The following PDE1C variants were observed in gnomAD, a reference collection of about 807,000 sequenced individuals.
PDE1C encodes the protein dual specificity calcium/calmodulin-dependent 3',5'-cyclic nucleotide phosphodiesterase 1C.
Under a neutral mutation model 93.1 loss-of-function variants are expected in PDE1C, and 62 were observed. That is an observed-to-expected ratio of 0.67 (90% CI 0.54 to 0.82). The LOEUF is 0.82. Among genes scored for constraint, PDE1C ranks in the 40% least tolerant of loss-of-function variants. PDE1C has a pLI of 0.00. For synonymous variants in PDE1C, 325 were observed against 310.1 expected, an observed-to-expected ratio of 1.05 and a Z score of -0.50; for missense variants, 742 against 884.6, an observed-to-expected ratio of 0.84 and a Z score of 2.04.
chr7:32,236,823 C>G (rs1289872079), intron 1 of PDE1C, among the ~76,000 whole-genome samples: 1 of 152,122 alleles, frequency 6.6e-6, no homozygotes, highest in East Asian at 1.9e-4. Flanking sequence ...TATAATCACA[C>G]AAAAAGCTGT....
chr7:31,865,321 C>T (rs1046055094), intron 6 of PDE1C, among the ~76,000 whole-genome samples: 1 of 152,110 alleles, frequency 6.6e-6, no homozygotes, highest in African/African-American at 2.4e-5. Context: ...ATTTTAGAAT[C>T]CCTGAGAAAT....
the PDE1C span, among the ~76,000 whole-genome samples, chr7:31,631,482 A>G: frequency 6.6e-6 from 1 of 152,172 alleles, no homozygotes; most frequent in African/African-American, 2.4e-5. Flanking sequence ...AATGATCTTT[A>G]TTTTTTATTT....
intron 2 of PDE1C, among the ~76,000 whole-genome samples, chr7:31,957,433 A>G (rs547426230): frequency 1.3e-5 from 2 of 152,204 alleles, no homozygotes; most frequent in East Asian, 1.9e-4. Context: ...TGGATTATCT[A>G]TCACCTGTAG....
intron 2 of PDE1C, among the ~76,000 whole-genome samples, chr7:31,885,019 T>C: frequency 6.6e-6 from 1 of 152,172 alleles, no homozygotes; most frequent in East Asian, 1.9e-4. Context: ...TAGATGCTTT[T>C]CATGTGAATC....
At chr7:31,652,088 C>T in the PDE1C span, 164 of 1,372,804 alleles carry the variant, frequency 1.2e-4, no homozygotes, top group East Asian at 4.0e-3. Flanking sequence ...CTATATCCAG[C>T]CTACCACAGG....
At chr7:32,058,845 C>T (rs1227416092) in intron 1 of PDE1C, among the ~76,000 whole-genome samples, 2 of 152,074 alleles carry the variant, frequency 1.3e-5, no homozygotes, top group Non-Finnish European at 2.9e-5. Context: ...TCCTGTCTTA[C>T]TAGCTCGAAT....
intron 2 of PDE1C, among the ~76,000 whole-genome samples, chr7:31,899,524 A>T (rs10261660): frequency 0.099 from 15,120 of 152,158 alleles, 962 homozygotes; most frequent in Admixed American, 0.21. Flanking sequence ...AAGCCCCGGG[A>T]GATCCCAAAT....
At chr7:31,677,374 CACTT>C in the PDE1C span, among the ~76,000 whole-genome samples, 3 of 152,180 alleles carry the variant, frequency 2.0e-5, no homozygotes, top group South Asian at 2.1e-4. Flanking sequence ...AAACCAGTCT[CACTT>C]ACGACTATCC....
At chr7:32,270,692 T>G (rs780158022) in intron 1 of PDE1C, among the ~76,000 whole-genome samples, 16 of 152,152 alleles carry the variant, frequency 1.1e-4, no homozygotes, top group Non-Finnish European at 1.6e-4. Context: ...CCTAGAGATC[T>G]GGGGATGGGA....
At chr7:32,383,265 T>G (rs533706630) in intron 1 of PDE1C, among the ~76,000 whole-genome samples, 1 of 152,294 alleles carries the variant, frequency 6.6e-6, no homozygotes, top group South Asian at 2.1e-4. Flanking sequence ...CACAAGACTA[T>G]CAACAAGCAT....
intron 1 of PDE1C, among the ~76,000 whole-genome samples, chr7:32,252,366 C>A (rs1809457419): frequency 6.6e-6 from 1 of 152,144 alleles, no homozygotes; most frequent in Non-Finnish European, 1.5e-5. Context: ...TGGGCTTTAA[C>A]AACAAATCAT....
chr7:32,393,651 G>A (rs1418621863), intron 1 of PDE1C, among the ~76,000 whole-genome samples: 9 of 152,074 alleles, frequency 5.9e-5, no homozygotes, highest in African/African-American at 1.9e-4. Context: ...TTCAATTCTA[G>A]GAGCCTAAAA....
intron 3 of PDE1C, among the ~76,000 whole-genome samples, chr7:32,152,034 C>T (rs558554270): frequency 3.9e-5 from 6 of 152,140 alleles, no homozygotes; most frequent in Non-Finnish European, 8.8e-5. Flanking sequence ...TTCTCTATTT[C>T]TCTCACCATA....
intron 2 of PDE1C, among the ~76,000 whole-genome samples, chr7:32,200,179 C>T (rs934932180): frequency 6.6e-6 from 1 of 152,164 alleles, no homozygotes; most frequent in African/African-American, 2.4e-5. Context: ...GACTCTTGCT[C>T]ATCATGGAGG....
chr7:32,112,849 T>TAC (rs1798748290), intron 3 of PDE1C, among the ~76,000 whole-genome samples: 2 of 42,770 alleles, frequency 4.7e-5, no homozygotes, highest in Non-Finnish European at 9.2e-5. Flanking sequence ...TGTGTGTGTA[T>TAC]ATATATATAT....
At chr7:32,067,366 T>G (rs1397031949) in intron 1 of PDE1C, among the ~76,000 whole-genome samples, 1 of 152,196 alleles carries the variant, frequency 6.6e-6, no homozygotes, top group Non-Finnish European at 1.5e-5. Flanking sequence ...GCTTATATTC[T>G]AGCTGGAGGA....
chr7:31,997,011 G>C lies in PDE1C; in HGVS notation c.128+54543C>G, dbSNP rs532258074. On this transcript the variant is annotated intron_variant, in intron 2 of 17. Coordinates refer to ENST00000396191, the MANE Select transcript of PDE1C (RefSeq NM_001191057.4). ...GAAAAAGGAACATTATCAGTGCACA[G>C]AAAGATAGGTCTCTCTGGACTGAAT... 9.2e-5 allele frequency among the ~76,000 whole-genome samples: 14 copies of C among 152,292 alleles called. No homozygotes were observed. The East Asian group carries it at 2.7e-3, about 29-fold the overall frequency.
chr7:32,145,907 T>A (rs1800804950), intron 3 of PDE1C, among the ~76,000 whole-genome samples: 1 of 152,188 alleles, frequency 6.6e-6, no homozygotes, highest in African/African-American at 2.4e-5. Flanking sequence ...GTGCTCATTA[T>A]CTGCAGTAAA....
At chr7:32,142,820 T>C (rs981189932) in intron 3 of PDE1C, among the ~76,000 whole-genome samples, 1 of 152,146 alleles carries the variant, frequency 6.6e-6, no homozygotes, top group African/African-American at 2.4e-5. Flanking sequence ...AGAAATAAAG[T>C]ATTTGTGTGT....
Sources: gnomAD v4.1 joint callset for allele counts (sites outside exome capture counted in the v4.1 genomes callset) on GRCh38, gnomAD v4.1.1 for gene constraint, MANE v1.5 for transcripts, NCBI Gene and HGNC (gene_info 2026-07-23, HGNC 2026-07-21) for gene names.